EYA1: variants seen among roughly 807,000 people sequenced by gnomAD.
The protein encoded by EYA1 is EYA transcriptional coactivator and phosphatase 1, also known as protein phosphatase EYA1.
Under a neutral mutation model 82.0 loss-of-function variants are expected in EYA1, and 16 were observed. That is an observed-to-expected ratio of 0.20 (90% CI 0.13 to 0.30). The LOEUF (loss-of-function observed/expected upper bound fraction) is 0.30, where lower values mean the gene tolerates loss of function less well. EYA1 is among the 10% of genes least tolerant of loss of function. The pLI, the probability that EYA1 is intolerant of heterozygous loss-of-function variation, is 1.00. For missense variants in EYA1, 633 were observed against 730.7 expected, an observed-to-expected ratio of 0.87 and a Z score of 1.54; for synonymous variants, 261 against 264.4, an observed-to-expected ratio of 0.99 and a Z score of 0.12.
intron 17 of EYA1, among the ~76,000 whole-genome samples, chr8:71,206,799 C>T (rs553109674): frequency 6.6e-6 from 1 of 151,882 alleles, no homozygotes; most frequent in African/African-American, 2.4e-5. Flanking sequence ...TCTATCATCC[C>T]AGCTGGAGTG....
At chr8:71,396,081 A>G (rs1024116142) in intron 2 of EYA1, among the ~76,000 whole-genome samples, 6 of 152,202 alleles carry the variant, frequency 3.9e-5, no homozygotes, top group Admixed American at 1.3e-4. Context: ...ATTTGCGTAG[A>G]GGTGCTTATA....
chr8:71,506,063 C>T (rs534812952), intron 2 of EYA1, among the ~76,000 whole-genome samples: 8 of 152,232 alleles, frequency 5.3e-5, no homozygotes, highest in Non-Finnish European at 8.8e-5. Flanking sequence ...GAGGTCTTCC[C>T]GGCCATGTGG....
intron 9 of EYA1, among the ~76,000 whole-genome samples, chr8:71,274,893 A>C (rs567484181): frequency 9.2e-4 from 140 of 151,534 alleles, no homozygotes; most frequent in Middle Eastern, 3.4e-3. Flanking sequence ...AGCGAGCGAG[A>C]GAGAGAGAGT....
chr8:71,436,799 A>G (rs941601039), intron 2 of EYA1, among the ~76,000 whole-genome samples: 1 of 152,118 alleles, frequency 6.6e-6, no homozygotes, highest in Admixed American at 6.6e-5. Context: ...ATCAGTGTTG[A>G]TTGAAAAATG....
At chr8:71,435,412 T>C (rs1805934384) in intron 2 of EYA1, among the ~76,000 whole-genome samples, 1 of 151,536 alleles carries the variant, frequency 6.6e-6, no homozygotes, top group Non-Finnish European at 1.5e-5. Context: ...TATAAATATA[T>C]TTATTTTTCC....
intron 12 of EYA1, among the ~76,000 whole-genome samples, chr8:71,221,729 G>A (rs894851174): frequency 6.6e-6 from 1 of 152,158 alleles, no homozygotes; most frequent in African/African-American, 2.4e-5. Flanking sequence ...CCAGGGAGAG[G>A]CCATTTCCTG....
At chr8:71,407,024 T>C (rs1230386163) in intron 2 of EYA1, among the ~76,000 whole-genome samples, 7 of 121,314 alleles carry the variant, frequency 5.8e-5, no homozygotes, top group Admixed American at 1.7e-4. Context: ...CAGCTGGAGA[T>C]CTGAGAACGG....
intron 11 of EYA1, among the ~76,000 whole-genome samples, chr8:71,252,862 A>T (rs1586012156): frequency 6.6e-6 from 1 of 152,196 alleles, no homozygotes; most frequent in Admixed American, 6.5e-5. Context: ...TATACCATTT[A>T]ATCATTTAAC....
At chr8:71,328,637 C>T (rs1259956463) in intron 4 of EYA1, among the ~76,000 whole-genome samples, 3 of 152,150 alleles carry the variant, frequency 2.0e-5, no homozygotes, top group Admixed American at 2.0e-4. Flanking sequence ...TTCTTCCAAA[C>T]CATTGGTTTT....
At chr8:71,326,108 C>A (rs1049521569) in intron 4 of EYA1, among the ~76,000 whole-genome samples, 4 of 152,150 alleles carry the variant, frequency 2.6e-5, no homozygotes, top group African/African-American at 7.2e-5. Context: ...TCAATTATTC[C>A]ATTCTCTGTC....
At chr8:71,274,671 T>C (rs1366943778) in intron 9 of EYA1, among the ~76,000 whole-genome samples, 2 of 151,896 alleles carry the variant, frequency 1.3e-5, no homozygotes, top group African/African-American at 4.8e-5. Flanking sequence ...TGGACAAAAA[T>C]GAGAAATTAC....
In EYA1 at chr8:71,217,036, T is replaced by G; in HGVS notation, c.1141-13A>C. The G allele has an allele frequency of 6.3e-7, 1 of 1,599,880 alleles. No homozygotes were observed. On this transcript the variant is annotated splice_polypyrimidine_tract_variant and intron_variant, in intron 12 of 17. Coordinates refer to ENST00000340726, the MANE Select transcript of EYA1 (RefSeq NM_000503.6). ...CTTGGTCACATTCCTAAAATGCAAT[T>G]AAAATGATACATGTCAATTTTTTAA...
chr8:71,458,306 C>T (rs1424356828), intron 2 of EYA1, among the ~76,000 whole-genome samples: 1 of 151,878 alleles, frequency 6.6e-6, no homozygotes, highest in Non-Finnish European at 1.5e-5. Flanking sequence ...TCTAAGAATA[C>T]CAGGTGTTAA....
chr8:71,292,878 C>G (rs28672198), intron 9 of EYA1, among the ~76,000 whole-genome samples: 2,865 of 151,926 alleles, frequency 0.019, 167 homozygotes, highest in East Asian at 0.14. Flanking sequence ...AAGCACCACT[C>G]TTAGGAAACT....
At chr8:71,395,729 CA>C (rs1829563079) in intron 2 of EYA1, among the ~76,000 whole-genome samples, 1 of 152,100 alleles carries the variant, frequency 6.6e-6, no homozygotes, top group South Asian at 2.1e-4. Flanking sequence ...CGATGTTCAT[CA>C]GGGATATTGG....
At chr8:71,239,675 A>C (rs1461702872) in intron 12 of EYA1, among the ~76,000 whole-genome samples, 1 of 151,960 alleles carries the variant, frequency 6.6e-6, no homozygotes, top group Middle Eastern at 3.2e-3. Context: ...TCATATGGCT[A>C]CTCTTGGCTT....
chr8:71,485,015 T>A (rs1051884869), intron 2 of EYA1, among the ~76,000 whole-genome samples: 1 of 152,356 alleles, frequency 6.6e-6, no homozygotes, highest in East Asian at 1.9e-4. Context: ...AACAGCCTCA[T>A]GGTTATTCAT....
intron 7 of EYA1, among the ~76,000 whole-genome samples, chr8:71,306,363 A>G (rs1325937280): frequency 6.6e-6 from 1 of 152,184 alleles, no homozygotes. Flanking sequence ...GCATCCTTTA[A>G]TGGCAAAATG....
In EYA1 at chr8:71,271,920, T is replaced by G. The variant is rs767320075; in HGVS notation, c.827-23A>C. 1.9e-6 allele frequency: 3 copies of G among 1,613,942 alleles called. No homozygotes were observed. The African/African-American group carries it at 4.0e-5, about 22-fold the overall frequency. ...ACTCTGCAGGAATATAGGAAGGACT[T>G]TCATCTTTTATTTCCATCACCATGG... is the stretch of plus-strand genomic sequence containing the variant. On this transcript the variant is annotated intron_variant, in intron 9 of 17. Coordinates refer to ENST00000340726, the MANE Select transcript of EYA1 (RefSeq NM_000503.6).
Sources: allele counts gnomAD v4.1 joint callset (sites outside exome capture counted in the v4.1 genomes callset), GRCh38; gene constraint gnomAD v4.1.1; transcripts MANE v1.5; gene names NCBI Gene and HGNC (gene_info 2026-07-23, HGNC 2026-07-21).